Variants in ACBD3 observed in about 807,000 individuals in gnomAD.
ACBD3 encodes acyl-CoA binding domain containing 3, also known as Golgi resident protein GCP60.
Under a neutral mutation model 66.9 loss-of-function variants are expected in ACBD3, and 30 were observed. That is an observed-to-expected ratio of 0.45 (90% CI 0.34 to 0.61). The LOEUF (loss-of-function observed/expected upper bound fraction) is 0.61, where lower values mean the gene tolerates loss of function less well. ACBD3 is among the 20% of genes least tolerant of loss of function. ACBD3 has a pLI of 0.02. For missense variants in ACBD3, 544 were observed against 664.5 expected, an observed-to-expected ratio of 0.82 and a Z score of 1.99; for synonymous variants, 278 against 259.8, an observed-to-expected ratio of 1.07 and a Z score of -0.68.
intron 1 of ACBD3, among the ~76,000 whole-genome samples, chr1:226,174,078 C>T (rs760120968): frequency 1.3e-5 from 2 of 151,992 alleles, no homozygotes; most frequent in Non-Finnish European, 2.9e-5. Flanking sequence ...TAATTTTCTT[C>T]TAAATTATTT....
chr1:226,165,721 A>G (rs1172096461), intron 2 of ACBD3, 138 bp downstream of exon 2: 18 of 849,884 alleles, frequency 2.1e-5, no homozygotes, highest in Non-Finnish European at 3.1e-5. Flanking sequence ...ATATCTGAAG[A>G]CTCCAGAAGC....
chr1:226,163,366 AT>A (rs1454624016), intron 3 of ACBD3, among the ~76,000 whole-genome samples: 1 of 152,210 alleles, frequency 6.6e-6, no homozygotes, highest in Non-Finnish European at 1.5e-5. Flanking sequence ...CAATATATAG[AT>A]ACTTCTACAG....
chr1:226,168,724 A>C (rs1399869331), intron 1 of ACBD3, among the ~76,000 whole-genome samples: 1 of 152,264 alleles, frequency 6.6e-6, no homozygotes, highest in East Asian at 1.9e-4. Context: ...GCTGTATAAA[A>C]GTATATATAG....
At chr1:226,152,922 A>C (rs1416195538) in intron 6 of ACBD3, among the ~76,000 whole-genome samples, 1 of 152,198 alleles carries the variant, frequency 6.6e-6, no homozygotes, top group Admixed American at 6.5e-5. Context: ...TGACCTTGGG[A>C]AGGCCCCAGC....
At chr1:226,156,069 A>G (rs568519218) in intron 5 of ACBD3, among the ~76,000 whole-genome samples, 22 of 152,380 alleles carry the variant, frequency 1.4e-4, no homozygotes, top group African/African-American at 4.8e-4. Context: ...AAGTGTACAA[A>G]TGATAAATTA....
At chr1:226,158,487 C>T (rs757489004) in intron 5 of ACBD3, among the ~76,000 whole-genome samples, 9 of 152,182 alleles carry the variant, frequency 5.9e-5, no homozygotes, top group Non-Finnish European at 1.0e-4. Context: ...GTTAACAGGA[C>T]AGGTGCTTTG....
intron 1 of ACBD3, among the ~76,000 whole-genome samples, chr1:226,182,321 A>G (rs986502152): frequency 2.0e-5 from 3 of 152,092 alleles, no homozygotes; most frequent in East Asian, 3.9e-4. Context: ...AGGCCGAACT[A>G]TTAATACTTA....
intron 6 of ACBD3, among the ~76,000 whole-genome samples, chr1:226,153,337 T>C (rs1659612568): frequency 6.6e-6 from 1 of 152,226 alleles, no homozygotes; most frequent in Non-Finnish European, 1.5e-5. Flanking sequence ...GAAGCAATTA[T>C]TACTTGTTCT....
intron 3 of ACBD3, among the ~76,000 whole-genome samples, chr1:226,162,320 A>G (rs1035917778): frequency 6.6e-6 from 1 of 152,200 alleles, no homozygotes; most frequent in Non-Finnish European, 1.5e-5. Context: ...CATACCCTAA[A>G]TTTATCAGTT....
chr1:226,173,972 G>A (rs1304077049), intron 1 of ACBD3, among the ~76,000 whole-genome samples: 7 of 151,520 alleles, frequency 4.6e-5, no homozygotes, highest in Middle Eastern at 3.4e-3. Context: ...CATGTTGACC[G>A]GGCTAGTCTC....
chr1:226,178,197 A>T (rs1656090169), intron 1 of ACBD3, among the ~76,000 whole-genome samples: 2 of 152,202 alleles, frequency 1.3e-5, no homozygotes, highest in South Asian at 4.1e-4. Flanking sequence ...CAGTTCAAAT[A>T]GGACAGCATA....
intron 5 of ACBD3, 57 bp downstream of exon 5, chr1:226,159,127 G>A (rs938988599): frequency 6.4e-7 from 1 of 1,573,522 alleles, no homozygotes; most frequent in African/African-American, 1.4e-5. Flanking sequence ...AAGAACTTGG[G>A]TTCCAATGAA....
chr1:226,164,054 A>G (rs546596806), intron 3 of ACBD3, among the ~76,000 whole-genome samples: 2 of 141,004 alleles, frequency 1.4e-5, no homozygotes, highest in East Asian at 4.6e-4. Flanking sequence ...TGAACCCAGG[A>G]GGCAGAGGAT....
chr1:226,176,350 G>C (rs1462068890), intron 1 of ACBD3, among the ~76,000 whole-genome samples: 1 of 150,786 alleles, frequency 6.6e-6, no homozygotes, highest in Non-Finnish European at 1.5e-5. Context: ...GCTTGAACCG[G>C]GACTGGGAGG....
intron 1 of ACBD3, among the ~76,000 whole-genome samples, chr1:226,173,257 T>A (rs1337582400): frequency 6.6e-6 from 1 of 152,110 alleles, no homozygotes; most frequent in East Asian, 1.9e-4. Flanking sequence ...AGTGACAGAG[T>A]GAGACCCTGT....
In ACBD3 at chr1:226,172,820, T is replaced by C. The variant is rs1375268765; in HGVS notation, c.287-6820A>G. ...ACAGCTGGGTGTGGTGGCATACAGC[T>C]GGGTGCGGCGGCATGCGCCTGAAGT... On this transcript the variant is annotated intron_variant, in intron 1 of 7. Coordinates refer to ENST00000366812, the MANE Select transcript of ACBD3 (RefSeq NM_022735.4). 3.3e-5 allele frequency among the ~76,000 whole-genome samples: 5 copies of C among 151,918 alleles called. No individual in the cohort carries two copies. The East Asian group carries it at 9.6e-4, about 29-fold the overall frequency.
chr1:226,173,795 C>G (rs1378375375), intron 1 of ACBD3, among the ~76,000 whole-genome samples: 2 of 114,688 alleles, frequency 1.7e-5, no homozygotes, highest in African/African-American at 3.4e-5. Context: ...GAGTCTCACT[C>G]TGTTGCCCAG....
intron 2 of ACBD3, 108 bp from the exon 3 acceptor site, chr1:226,165,037 C>G: frequency 1.7e-6 from 2 of 1,208,358 alleles, no homozygotes; most frequent in Non-Finnish European, 2.2e-6. Context: ...ATGAATGATT[C>G]TATTGGGAGC....
chr1:226,165,843 A>C lies in ACBD3; in HGVS notation c.428+16T>G. On this transcript the variant is annotated intron_variant, in intron 2 of 7. Coordinates refer to ENST00000366812, the MANE Select transcript of ACBD3 (RefSeq NM_022735.4). Reference sequence around the variant, plus strand: ...ATTATCCTCATTAAATTCACTATACAGAAAAACACTGTTACCTCCTGTCAT... The same window carrying C: ...ATTATCCTCATTAAATTCACTATACCGAAAAACACTGTTACCTCCTGTCAT... 1 of 1,598,960 alleles carries C rather than the reference A, an allele frequency of 6.3e-7. No individual in the cohort carries two copies. The highest frequency in any genetic ancestry group is 8.5e-7 in the Non-Finnish European group (1 of 1,176,104).
Sources: allele counts gnomAD v4.1 joint callset (sites outside exome capture counted in the v4.1 genomes callset), GRCh38; gene constraint gnomAD v4.1.1; transcripts MANE v1.5; gene names NCBI Gene and HGNC (gene_info 2026-07-23, HGNC 2026-07-21).